Variants in ST6GALNAC3 observed in about 807,000 individuals in gnomAD.
ST6GALNAC3 encodes the protein alpha-N-acetylgalactosaminide alpha-2,6-sialyltransferase 3.
Under a neutral mutation model 32.7 loss-of-function variants are expected in ST6GALNAC3, and 25 were observed. That is an observed-to-expected ratio of 0.76 (90% CI 0.56 to 1.07). The LOEUF is 1.07. ST6GALNAC3 is among the 50% of genes least tolerant of loss of function. The pLI is 0.00. For missense variants in ST6GALNAC3, 355 were observed against 382.4 expected, an observed-to-expected ratio of 0.93 and a Z score of 0.60; for synonymous variants, 129 against 133.1, an observed-to-expected ratio of 0.97 and a Z score of 0.21.
chr1:76,118,073 C>T (rs2100827425), intron 1 of ST6GALNAC3, among the ~76,000 whole-genome samples: 1 of 152,194 alleles, frequency 6.6e-6, no homozygotes, highest in South Asian at 2.1e-4. Flanking sequence ...TTGCACCTGT[C>T]AGCCCATCAT....
rs567332568 is a variant in ST6GALNAC3 at position 76,533,967 on chromosome 1, C to T, written c.624-93485C>T. ...CCCTTGTCAAAAAATTATTGTCATA[C>T]GTATATGTATTTTAATTTCCATAAA... On this transcript the variant is annotated intron_variant, in intron 3 of 4. Coordinates refer to ENST00000328299, the MANE Select transcript of ST6GALNAC3 (RefSeq NM_152996.4). 7.2e-5 allele frequency among the ~76,000 whole-genome samples: 11 copies of T among 152,128 alleles called. No individual in the cohort carries two copies. In the South Asian group the frequency reaches 1.0e-3, roughly 14 times the overall value.
chr1:76,116,728 C>A (rs1648505995), intron 1 of ST6GALNAC3, among the ~76,000 whole-genome samples: 2 of 152,058 alleles, frequency 1.3e-5, no homozygotes, highest in Non-Finnish European at 1.5e-5. Context: ...ACCAGGAATT[C>A]CAGACCAGCC....
intron 3 of ST6GALNAC3, among the ~76,000 whole-genome samples, chr1:76,454,382 G>A (rs1340349054): frequency 1.3e-5 from 2 of 152,092 alleles, no homozygotes; most frequent in Non-Finnish European, 2.9e-5. Flanking sequence ...TAGGTCCTAT[G>A]AGATTTGTAC....
chr1:76,221,891 T>G (rs1037483429), intron 1 of ST6GALNAC3, among the ~76,000 whole-genome samples: 1 of 152,148 alleles, frequency 6.6e-6, no homozygotes, highest in Admixed American at 6.5e-5. Context: ...AAATATCCCC[T>G]GCAAAACTTT....
intron 1 of ST6GALNAC3, chr1:76,307,880 T>G (rs778716940): frequency 3.9e-6 from 2 of 515,236 alleles, no homozygotes; most frequent in Non-Finnish European, 3.9e-6. Flanking sequence ...GTGGATTTTA[T>G]TTTGGAATAG....
chr1:76,408,004 C>T (rs1282198633), intron 2 of ST6GALNAC3, among the ~76,000 whole-genome samples: 1 of 152,000 alleles, frequency 6.6e-6, no homozygotes, highest in Non-Finnish European at 1.5e-5. Flanking sequence ...TAGATAAGAG[C>T]AGATTTTGGG....
At chr1:76,543,428 C>T (rs1345808418) in intron 3 of ST6GALNAC3, among the ~76,000 whole-genome samples, 3 of 152,080 alleles carry the variant, frequency 2.0e-5, no homozygotes, top group Non-Finnish European at 4.4e-5. Flanking sequence ...TACTGTAGAG[C>T]CAGTTGGTGT....
intron 1 of ST6GALNAC3, among the ~76,000 whole-genome samples, chr1:76,132,295 C>T (rs1557642435): frequency 6.6e-6 from 1 of 152,174 alleles, no homozygotes. Context: ...ATTTTCCTCA[C>T]TATCTGAGCT....
chr1:76,285,561 A>G (rs1659731084), intron 1 of ST6GALNAC3, among the ~76,000 whole-genome samples: 1 of 152,236 alleles, frequency 6.6e-6, no homozygotes, highest in Non-Finnish European at 1.5e-5. Flanking sequence ...ATATTTATTA[A>G]TGAATTCAGC....
chr1:76,430,610 C>T (rs1477256560), intron 3 of ST6GALNAC3, among the ~76,000 whole-genome samples: 2 of 152,096 alleles, frequency 1.3e-5, no homozygotes, highest in Non-Finnish European at 2.9e-5. Flanking sequence ...CCCCATTTAT[C>T]CCTCCCTCCT....
intron 1 of ST6GALNAC3, among the ~76,000 whole-genome samples, chr1:76,183,659 A>G (rs1049827016): frequency 1.3e-5 from 2 of 151,830 alleles, no homozygotes; most frequent in African/African-American, 2.4e-5. Context: ...GTTATAGCCT[A>G]TGACCCCTAG....
intron 1 of ST6GALNAC3, among the ~76,000 whole-genome samples, chr1:76,306,130 A>G (rs538296189): frequency 5.9e-5 from 9 of 152,108 alleles, no homozygotes; most frequent in Non-Finnish European, 8.8e-5. Flanking sequence ...TGAAATCAGC[A>G]ATTTGTGGAT....
intron 2 of ST6GALNAC3, among the ~76,000 whole-genome samples, chr1:76,315,137 C>T (rs1362355333): frequency 2.6e-5 from 4 of 151,778 alleles, no homozygotes; most frequent in Non-Finnish European, 5.9e-5. Flanking sequence ...GATGTTTATC[C>T]TCTAATTGGT....
chr1:76,119,120 C>T (rs1346344958), intron 1 of ST6GALNAC3, among the ~76,000 whole-genome samples: 1 of 152,154 alleles, frequency 6.6e-6, no homozygotes, highest in Non-Finnish European at 1.5e-5. Context: ...TGCACCTGGC[C>T]GATGGCAAGT....
In ST6GALNAC3 at chr1:76,263,470, C is replaced by A. The variant is rs191747572; in HGVS notation, c.19-50335C>A. Among the ~76,000 whole-genome samples, 230 of 152,232 alleles carry A rather than the reference C, an allele frequency of 1.5e-3. 1 individual carries two copies. Among genetic ancestry groups the A allele is most frequent in the Non-Finnish European group, 2.6e-3 (176 of 68,034 alleles). On this transcript the variant is annotated intron_variant, in intron 1 of 4. Transcript: ENST00000328299. ...TTTTTGTCACCTCGTCTTTCCCCTA[C>A]CCCAATTCTTGTGTTGAGGTTATTG...
At chr1:76,625,014 A>C (rs571255504) in intron 3 of ST6GALNAC3, among the ~76,000 whole-genome samples, 1 of 152,068 alleles carries the variant, frequency 6.6e-6, no homozygotes, top group African/African-American at 2.4e-5. Context: ...ATCATAGTTC[A>C]ACCATCTCAT....
intron 3 of ST6GALNAC3, among the ~76,000 whole-genome samples, chr1:76,615,570 G>A (rs1026504681): frequency 9.2e-5 from 14 of 152,136 alleles, no homozygotes; most frequent in South Asian, 2.1e-4. Context: ...GGATCTCCTC[G>A]GCTATTTTGC....
At chr1:76,154,596 A>G (rs116800735) in intron 1 of ST6GALNAC3, among the ~76,000 whole-genome samples, 375 of 152,252 alleles carry the variant, frequency 2.5e-3, no homozygotes, top group African/African-American at 8.7e-3. Context: ...CGCCTTGGTA[A>G]TGCTGTACAT....
At chr1:76,229,857 G>A (rs1656272202) in intron 1 of ST6GALNAC3, among the ~76,000 whole-genome samples, 1 of 152,176 alleles carries the variant, frequency 6.6e-6, no homozygotes, top group Non-Finnish European at 1.5e-5. Flanking sequence ...ATCTCACGGT[G>A]AACCCCATTC....
Sources: allele counts gnomAD v4.1 joint callset (sites outside exome capture counted in the v4.1 genomes callset), GRCh38; gene constraint gnomAD v4.1.1; transcripts MANE v1.5; gene names NCBI Gene and HGNC (gene_info 2026-07-23, HGNC 2026-07-21).